The following SIRT7 variants were observed in gnomAD, a reference collection of about 807,000 sequenced individuals.
The protein encoded by SIRT7 is sirtuin 7.
A neutral mutation model predicts 42.8 loss-of-function variants in SIRT7; 32 were observed. That is an observed-to-expected ratio of 0.75 (90% confidence interval 0.56 to 1.00). SIRT7 has a LOEUF of 1.00. Among genes scored for constraint, SIRT7 ranks in the 50% least tolerant of loss-of-function variants. The pLI, the probability that SIRT7 is intolerant of heterozygous loss-of-function variation, is 0.00. For synonymous variants in SIRT7, 297 were observed against 245.2 expected (o/e 1.21, Z -1.97); for missense variants, 553 against 572.2 (o/e 0.97, Z 0.34).
rs1598338140 is a variant in SIRT7 at position 81,912,166 on chromosome 17, C to G, written c.*250G>C. The G allele has an allele frequency of 1.8e-6, 1 of 565,820 alleles. No individual in the cohort carries two copies. Among genetic ancestry groups the G allele is most frequent in the East Asian group, 3.1e-5 (1 of 32,250 alleles). 35.0% of individuals were successfully genotyped at this position (565,820 alleles called of 1,614,324 possible). A position where few individuals can be genotyped will look rare whatever the true frequency, so the allele number is the denominator to read the frequency against. ...GGGCTGAAATAACCCGAGTTCCGTT[C>G]TCACAGAAAGGTGCGGCTGCCACCT... On this transcript the variant is annotated 3_prime_UTR_variant, in exon 10 of 10. Transcript: ENST00000328666.
Position 81,912,141 on chromosome 17 carries a change from G to T in SIRT7, c.*275C>A. ...CTGGGCGCTTCCACTCTGCAGGCCG[G>T]GGCTGAAATAACCCGAGTTCCGTTC... On this transcript the variant is annotated 3_prime_UTR_variant, in exon 10 of 10. Transcript: ENST00000328666. The T allele has an allele frequency of 1.9e-6, 1 of 515,588 alleles. No homozygotes were observed. The highest frequency in any genetic ancestry group is 3.6e-5 in the East Asian group (1 of 27,430). 31.9% of individuals were successfully genotyped at this position (515,588 alleles called of 1,614,324 possible). A position where few individuals can be genotyped will look rare whatever the true frequency, so the allele number is the denominator to read the frequency against.
Position 81,914,124 on chromosome 17 carries a change from G to C in SIRT7, c.860C>G (p.Pro287Arg), listed in dbSNP as rs143065401. 63 of 1,613,498 alleles carry C rather than the reference G, an allele frequency of 3.9e-5. No individual in the cohort carries two copies. The highest frequency in any genetic ancestry group is 1.5e-5 in the Non-Finnish European group (18 of 1,180,030). ...YPRLWCMTKP[P>R]SRRPKLYIVN... ...GATGTAAAGCTTCGGCCGCCGGCTA[G>C]GGGGCTTGGTCATGCACCAGAGGCG... The change falls in exon 8 of 10, where the codon CCT becomes CGT. Residue 287 changes from proline (P) to arginine (R), a missense_variant. Transcript: ENST00000328666.
chr17:81,917,498 T>A, intron 3 of SIRT7, 117 bp downstream of exon 3: 1 of 885,772 alleles, frequency 1.1e-6, no homozygotes, highest in Non-Finnish European at 1.6e-6. Flanking sequence ...CTTAGGTAAG[T>A]TTTGGTCATT....
At position 81,913,106 on chromosome 17, in the gene SIRT7, G is replaced by A; in HGVS notation, c.1005-492C>T. The A allele has an allele frequency of 5.6e-6, 2 of 355,652 alleles. No individual in the cohort carries two copies. The highest frequency in any genetic ancestry group is 2.2e-5 in the South Asian group (1 of 45,928). The allele number at this position is 355,652 out of a possible 1,614,324, so 22.0% of individuals were successfully genotyped here. On this transcript the variant is annotated intron_variant, in intron 9 of 9. Transcript: ENST00000328666. This position sits in a 1 kb window ranked among gnomAD's most constrained non-coding sequence, Gnocchi z 5.0. ...TGCAGAACCACAGATCATAACTTAA[G>A]ATACAGATACGCACTGATAAGGAAA...
chr17:81,912,476 G>T lies in SIRT7; in HGVS notation c.1143C>A (p.Ile381=). 1 of 1,613,980 alleles carries T rather than the reference G, an allele frequency of 6.2e-7. No individual in the cohort carries two copies. Among genetic ancestry groups the T allele is most frequent in the Non-Finnish European group, 8.5e-7 (1 of 1,180,000 alleles). Residue 381 remains isoleucine (I), a synonymous_variant, in exon 10 of 10, where the codon ATC becomes ATA. Transcript: ENST00000328666. ...DRGAPLSSAP[I]LGGWFGRGCT... is the part of the protein sequence containing the mutation. ...AGCCCCTGCCAAACCAGCCCCCTAG[G>T]ATGGGGGCCGAGCTAAGCGGTGCAC...
intron 5 of SIRT7, chr17:81,914,970 G>A (rs1053378252): frequency 8.1e-5 from 44 of 540,304 alleles, no homozygotes; most frequent in Admixed American, 2.5e-4. Flanking sequence ...GCACCGTCCC[G>A]GCAAGGTTGG....
At chr17:81,915,582 A>C (rs1488020796) in intron 4 of SIRT7, 29 bp downstream of exon 4, 2 of 1,613,332 alleles carry the variant, frequency 1.2e-6, no homozygotes, top group African/African-American at 1.3e-5. Context: ...TGCCCAGCCT[A>C]TGTGGGAGGC....
At chr17:81,916,421 T>A (rs2040798895) in intron 3 of SIRT7, 1 of 151,192 alleles carries the variant, frequency 6.6e-6, no homozygotes, top group Non-Finnish European at 1.5e-5. Flanking sequence ...GGAAGTTCCA[T>A]AACAGGTCAC....
rs376903067 is a variant in SIRT7 at position 81,917,589 on chromosome 17, G to A, written c.336+26C>T. ...TTACTGGAGCTCATACTCCGTCCTG[G>A]GGTACGCCTCCGCCTCCCTCCCTAC... On this transcript the variant is annotated intron_variant, in intron 3 of 9. Transcript: ENST00000328666. 24 of 1,575,038 alleles carry A rather than the reference G, an allele frequency of 1.5e-5. No homozygotes were observed. In the African/African-American group the frequency reaches 2.0e-4, roughly 13 times the overall value.
In SIRT7 at chr17:81,918,042, G is replaced by C; in HGVS notation, c.90C>G (p.Arg30=). ...LREEQQRERL[R]QVSRILRKAA... ...CCGGGGAGCGGCGGCGGCGTACCTGGCGGAGGCGCTCCCTCTGCTGCTCCT... is the reference window on the plus strand; with the variant it reads ...CCGGGGAGCGGCGGCGGCGTACCTGCCGGAGGCGCTCCCTCTGCTGCTCCT... The change falls in exon 1 of 10, where the codon CGC becomes CGG. Residue 30 remains arginine (R), a synonymous_variant. Transcript: ENST00000328666. 6.7e-7 allele frequency: 1 copy of C among 1,501,344 alleles called. No individual in the cohort carries two copies. The highest frequency in any genetic ancestry group is 2.7e-5 in the East Asian group (1 of 36,504). 93.0% of individuals were successfully genotyped at this position (1,501,344 alleles called of 1,614,324 possible).
Position 81,914,954 on chromosome 17 carries a change from G to C in SIRT7, c.481-252C>G, listed in dbSNP as rs2040766681. On this transcript the variant is annotated intron_variant, in intron 5 of 9. Coordinates refer to ENST00000328666, the MANE Select transcript of SIRT7 (RefSeq NM_016538.3). ...GCACCTGGAGTGGCTGGGAGGGCAA[G>C]AGGTTGCACCGTCCCGGCAAGGTTG... 5.4e-6 allele frequency: 3 copies of C among 559,256 alleles called. No individual in the cohort carries two copies. In the African/African-American group the frequency reaches 5.7e-5, roughly 11 times the overall value. 34.6% of individuals were successfully genotyped at this position (559,256 alleles called of 1,614,324 possible).
rs760658546 is a variant in SIRT7 at position 81,918,102 on chromosome 17, C to G, written c.30G>C (p.Glu10Asp). The G allele has an allele frequency of 1.3e-6, 2 of 1,551,786 alleles. No individual in the cohort carries two copies. MAAGGLSRS[E>D]RKAAERVRRL... ...TCCGGACCCGCTCCGCCGCTTTGCG[C>G]TCGGAGCGGCTCAGACCCCCGGCTG... Residue 10 changes from glutamate to aspartate, a missense_variant, in exon 1 of 10, where the codon GAG becomes GAC. Coordinates refer to ENST00000328666, the MANE Select transcript of SIRT7 (RefSeq NM_016538.3).
At position 81,914,459 on chromosome 17, in the gene SIRT7, G is replaced by A. The variant is rs1195028422; in HGVS notation, c.651C>T (p.His217=). 1.2e-6 allele frequency: 2 copies of A among 1,613,058 alleles called. No homozygotes were observed. The highest frequency in any genetic ancestry group is 4.5e-5 in the East Asian group (2 of 44,884). Residue 217 remains histidine (H), a synonymous_variant, in exon 7 of 10, where the codon CAC becomes CAT. Coordinates refer to ENST00000328666, the MANE Select transcript of SIRT7 (RefSeq NM_016538.3). ...GGCAGGTCCGGCCTGTCTGGTGTCT[G>A]TGGAGGGCAGTGCGCTCCGTCACAT... ...VFDVTERTAL[H]RHQTGRTCHK... is the part of the protein sequence containing the mutation.
At position 81,912,114 on chromosome 17, in the gene SIRT7, C is replaced by T. The variant is rs143458449; in HGVS notation, c.*302G>A. The T allele has an allele frequency of 8.5e-3, 3,965 of 468,184 alleles. 35 individuals carry two copies. The highest frequency in any genetic ancestry group is 0.013 in the Admixed American group (341 of 26,828). The allele number at this position is 468,184 out of a possible 1,614,324, so 29.0% of individuals were successfully genotyped here. A position where few individuals can be genotyped will look rare whatever the true frequency, so the allele number is the denominator to read the frequency against. On this transcript the variant is annotated 3_prime_UTR_variant, in exon 10 of 10. Transcript: ENST00000328666. ...ACTGGCCTGGTGAGCGAGGAAAGGC[C>T]GCTGGGCGCTTCCACTCTGCAGGCC...
chr17:81,912,511 C>G lies in SIRT7; in HGVS notation c.1108G>C (p.Gly370Arg). 1 of 1,613,886 alleles carries G rather than the reference C, an allele frequency of 6.2e-7. No homozygotes were observed. The highest frequency in any genetic ancestry group is 8.5e-7 in the Non-Finnish European group (1 of 1,179,988). ...GAGCTAAGCGGTGCACCCCGGTCCC[C>G]AGGCGGGGCCTCCTCTCTGCTTCTG... Reference protein sequence around the residue: ...LCRSREEAPPGDRGAPLSSAP... With the variant: ...LCRSREEAPPRDRGAPLSSAP... The change falls in exon 10 of 10, where the codon GGG (glycine) becomes CGG (arginine). Residue 370 changes from glycine (G) to arginine (R), a missense_variant. Gly to Arg is a moderately radical substitution (Grantham distance 125, BLOSUM62 -2). Coordinates refer to ENST00000328666, the MANE Select transcript of SIRT7 (RefSeq NM_016538.3).
At chr17:81,917,553 G>A in intron 3 of SIRT7, 62 bp downstream of exon 3, 2 of 1,410,136 alleles carry the variant, frequency 1.4e-6, no homozygotes, top group Non-Finnish European at 1.9e-6. Flanking sequence ...TTAAAGGCGA[G>A]TTTTTCGCGA....
In SIRT7 at chr17:81,914,294, C is replaced by G; in HGVS notation, c.816G>C (p.Lys272Asn). The change falls in exon 7 of 10, where the codon AAG becomes AAC. Residue 272 changes from lysine (K) to asparagine (N), a missense_variant and splice_region_variant. Coordinates refer to ENST00000328666, the MANE Select transcript of SIRT7 (RefSeq NM_016538.3). ...CACTCATTGTGTCATCGGCACGTAC[C>G]TTCAGGCTGGACCCTAGACACAGGA... is the stretch of plus-strand genomic sequence containing the variant. ...DTILCLGSSL[K>N]VLKKYPRLWC... 15 of 1,613,134 alleles carry G rather than the reference C, an allele frequency of 9.3e-6. No homozygotes were observed. Among genetic ancestry groups the G allele is most frequent in the Non-Finnish European group, 1.3e-5 (15 of 1,179,964 alleles).
At chr17:81,916,017 C>T (rs2040790530) in intron 3 of SIRT7, 1 of 362,286 alleles carries the variant, frequency 2.8e-6, no homozygotes, top group Non-Finnish European at 5.4e-6. Flanking sequence ...GAAGACTAGT[C>T]ATGTTCCTAA....
Position 81,915,224 on chromosome 17 carries a change from A to G in SIRT7, c.480+216T>C, listed in dbSNP as rs573696378. On this transcript the variant is annotated intron_variant, in intron 5 of 9. Coordinates refer to ENST00000328666, the MANE Select transcript of SIRT7 (RefSeq NM_016538.3). ...AAGGCCACCAGCAGCTCTGAGGCTG[A>G]GGCTGGCTGCGGATGGGATGGTTCA... 5 of 597,628 alleles carry G rather than the reference A, an allele frequency of 8.4e-6. No homozygotes were observed. The East Asian group carries it at 1.4e-4, about 17-fold the overall frequency. 37.0% of individuals were successfully genotyped at this position (597,628 alleles called of 1,614,324 possible). A position where few individuals can be genotyped will look rare whatever the true frequency, so the allele number is the denominator to read the frequency against.
Sources: gnomAD v4.1 joint callset for allele counts on GRCh38, gnomAD v4.1.1 for gene constraint, Gnocchi (gnomAD v3.1) non-coding constraint, MANE v1.5 for transcripts, NCBI Gene and HGNC (gene_info 2026-07-23, HGNC 2026-07-21) for gene names.